The following MROH9 variants were observed in gnomAD, a reference collection of about 807,000 sequenced individuals.
MROH9 encodes the protein maestro heat-like repeat-containing protein family member 9.
In MROH9, 92 loss-of-function variants were observed where a neutral mutation model predicts 98.2. The ratio of observed to expected loss-of-function variants is 0.94; its 90% CI spans 0.79 to 1.11. The LOEUF is 1.11. MROH9 is among the 50% of genes most tolerant of loss of function. The probability of loss-of-function intolerance (pLI) is 0.00; values close to 1 mark genes in which losing one functional copy is unlikely to be tolerated. For missense variants in MROH9, 1,057 were observed against 1,014.8 expected (o/e 1.04, Z -0.57); for synonymous variants, 397 against 368.9 (o/e 1.08, Z -0.87).
intron 8 of MROH9, among the ~76,000 whole-genome samples, chr1:170,974,533 A>G (rs889952303): frequency 1.6e-4 from 24 of 152,196 alleles, no homozygotes; most frequent in African/African-American, 5.8e-4. Flanking sequence ...GAAAAGAAAA[A>G]AAAAGTCAAT....
rs182039562 is a variant in MROH9 at position 171,019,684 on chromosome 1, C to T, written c.1908+3348C>T. 1.4e-3 allele frequency among the ~76,000 whole-genome samples: 212 copies of T among 148,890 alleles called. 1 individual carries two copies. Among genetic ancestry groups the T allele is most frequent in the Non-Finnish European group, 2.4e-3 (165 of 67,412 alleles). ...AAATGCTAGAAATATCTCAAATCAG[C>T]ACCCTAACATCACAATTAAAAGAGC... On this transcript the variant is annotated intron_variant, in intron 17 of 21. Coordinates refer to ENST00000367759, the MANE Select transcript of MROH9 (RefSeq NM_001163629.2).
intron 15 of MROH9, among the ~76,000 whole-genome samples, chr1:171,000,312 T>A (rs1162812379): frequency 6.6e-6 from 1 of 151,862 alleles, no homozygotes. Context: ...ATTTTTATAG[T>A]TTCCAGTTCT....
intron 12 of MROH9, among the ~76,000 whole-genome samples, chr1:170,993,814 G>A (rs758729664): frequency 3.9e-5 from 6 of 152,018 alleles, no homozygotes; most frequent in Non-Finnish European, 7.4e-5. Context: ...CCACCTCTAT[G>A]CAATTGCCCA....
At chr1:171,012,371 CTG>C (rs1652181517) in intron 15 of MROH9, among the ~76,000 whole-genome samples, 2 of 152,108 alleles carry the variant, frequency 1.3e-5, no homozygotes, top group African/African-American at 4.8e-5. Context: ...AAGATGTGAT[CTG>C]TCCTCCTCTC....
At chr1:170,949,187 T>C (rs546205707) in intron 3 of MROH9, among the ~76,000 whole-genome samples, 1 of 152,144 alleles carries the variant, frequency 6.6e-6, no homozygotes, top group East Asian at 1.9e-4. Context: ...GGGGATGTGA[T>C]CTTAGGTAGG....
At chr1:171,010,786 T>A (rs1025096190) in intron 15 of MROH9, among the ~76,000 whole-genome samples, 5 of 152,030 alleles carry the variant, frequency 3.3e-5, no homozygotes, top group Non-Finnish European at 5.9e-5. Context: ...GGGGTTGTTT[T>A]TTTGTTTTGG....
chr1:170,998,225 G>A lies in MROH9; in HGVS notation c.1547G>A (p.Gly516Asp), dbSNP rs374480163. 8.1e-6 allele frequency: 13 copies of A among 1,613,122 alleles called. No individual in the cohort carries two copies. In the African/African-American group the frequency reaches 1.6e-4, roughly 20 times the overall value. ...TATCTCTATAAGCTCTCAGTAGAAG[G>A]TCCTAGAAGGTCAGAAGACACTGTC... is the stretch of plus-strand genomic sequence containing the variant. ...LSYLYKLSVE[G>D]PRRSEDTVIV... is the part of the protein sequence containing the mutation. The change falls in exon 15 of 22, where the codon GGT becomes GAT. Residue 516 changes from glycine to aspartate, a missense_variant. Transcript: ENST00000367759.
intron 17 of MROH9, among the ~76,000 whole-genome samples, chr1:171,021,865 CTAA>C (rs1434386103): frequency 1.3e-5 from 2 of 150,738 alleles, no homozygotes; most frequent in African/African-American, 2.4e-5. Context: ...TGACAAAGAT[CTAA>C]TATCCAGAAT....
At chr1:170,945,747 T>C (rs961601283) in intron 2 of MROH9, among the ~76,000 whole-genome samples, 166 bp downstream of exon 2, 2 of 152,046 alleles carry the variant, frequency 1.3e-5, no homozygotes, top group Admixed American at 6.6e-5. Context: ...AAAGTAACCA[T>C]ATATTAGGCT....
At chr1:171,040,509 A>G (rs982991122) in intron 20 of MROH9, among the ~76,000 whole-genome samples, 1 of 152,156 alleles carries the variant, frequency 6.6e-6, no homozygotes, top group African/African-American at 2.4e-5. Context: ...ATGTATATCA[A>G]AATGTTATGT....
intron 17 of MROH9, 146 bp from the exon 18 acceptor site, chr1:171,024,249 T>A: frequency 1.9e-6 from 1 of 520,418 alleles, no homozygotes; most frequent in Admixed American, 3.9e-5. Flanking sequence ...ATAAATAAAA[T>A]TTCACATAGT....
At chr1:171,006,535 A>G (rs1028512430) in intron 15 of MROH9, among the ~76,000 whole-genome samples, 1 of 151,936 alleles carries the variant, frequency 6.6e-6, no homozygotes, top group South Asian at 2.1e-4. Flanking sequence ...TGGAACTCCT[A>G]TAGGAGAGAG....
intron 8 of MROH9, among the ~76,000 whole-genome samples, chr1:170,982,665 A>G (rs928211433): frequency 3.3e-5 from 5 of 152,122 alleles, no homozygotes; most frequent in Non-Finnish European, 5.9e-5. Context: ...CTGGGCGGGC[A>G]GATTACTTGA....
intron 17 of MROH9, among the ~76,000 whole-genome samples, chr1:171,022,962 C>G (rs1482704658): frequency 6.6e-6 from 1 of 151,996 alleles, no homozygotes; most frequent in Non-Finnish European, 1.5e-5. Context: ...TCAGAGCGCT[C>G]ATATAAAAAA....
At position 170,945,583 on chromosome 1, in the gene MROH9, T is replaced by C. The variant is rs1428771314; in HGVS notation, c.25+2T>C. The C allele has an allele frequency of 2.5e-6, 4 of 1,611,724 alleles. No homozygotes were observed. The highest frequency in any genetic ancestry group is 1.3e-5 in the African/African-American group (1 of 74,798). ...TGTTGACAAGGAATCCAAAAACAAGTAAGGCTTTAGGACACAATAGAGATG... is the reference window on the plus strand; with the variant it reads ...TGTTGACAAGGAATCCAAAAACAAGCAAGGCTTTAGGACACAATAGAGATG... On this transcript the variant is annotated splice_donor_variant, in intron 2 of 21. Transcript: ENST00000367759. LOFTEE classifies it high-confidence loss of function.
chr1:170,979,763 G>A (rs1050663949), intron 8 of MROH9, among the ~76,000 whole-genome samples: 1 of 152,098 alleles, frequency 6.6e-6, no homozygotes, highest in Admixed American at 6.5e-5. Flanking sequence ...AGTTCATAAA[G>A]GACATCAAAA....
intron 1 of MROH9, among the ~76,000 whole-genome samples, chr1:170,944,623 G>A (rs1348353547): frequency 2.6e-5 from 4 of 152,006 alleles, no homozygotes; most frequent in African/African-American, 4.8e-5. Flanking sequence ...AAGTAGTGTT[G>A]GGATCATAAT....
intron 5 of MROH9, among the ~76,000 whole-genome samples, chr1:170,960,134 A>C (rs921016940): frequency 6.6e-6 from 1 of 152,228 alleles, no homozygotes; most frequent in African/African-American, 2.4e-5. Flanking sequence ...GCTTCTATAC[A>C]CATCTCAGAG....
At position 170,989,390 on chromosome 1, in the gene MROH9, T is replaced by G. The variant is rs555431225; in HGVS notation, c.880-465T>G. ...TAGAGTTTGCAACATTGTGGGTTAG[T>G]GTTTACCATTCTGGGTCATTCCTCC... On this transcript the variant is annotated intron_variant, in intron 10 of 21. Coordinates refer to ENST00000367759, the MANE Select transcript of MROH9 (RefSeq NM_001163629.2). 2.3e-4 allele frequency among the ~76,000 whole-genome samples: 35 copies of G among 152,314 alleles called. 2 individuals carry two copies. In the South Asian group the frequency reaches 7.0e-3, roughly 31 times the overall value.
Sources: gnomAD v4.1 joint callset for allele counts (sites outside exome capture counted in the v4.1 genomes callset) on GRCh38, gnomAD v4.1.1 for gene constraint, MANE v1.5 for transcripts, NCBI Gene and HGNC (gene_info 2026-07-23, HGNC 2026-07-21) for gene names.